ITPRID1: variants seen among roughly 807,000 people sequenced by gnomAD.
ITPRID1 encodes the protein protein ITPRID1.
ITPRID1 carries 96 observed loss-of-function variants against 95.4 expected under a neutral mutation model. The ratio of observed to expected loss-of-function variants is 1.01; its 90% CI spans 0.85 to 1.19. ITPRID1 has a LOEUF of 1.19. Among genes scored for constraint, ITPRID1 ranks in the 50% most tolerant of loss-of-function variants. The probability of loss-of-function intolerance (pLI) is 0.00; values close to 1 mark genes in which losing one functional copy is unlikely to be tolerated. For missense variants in ITPRID1, 1,339 were observed against 1,252.9 expected (o/e 1.07, Z -1.04); for synonymous variants, 510 against 453.6 (o/e 1.12, Z -1.58).
chr7:31,516,338 A>C (rs187219578), intron 1 of ITPRID1, among the ~76,000 whole-genome samples: 37 of 152,340 alleles, frequency 2.4e-4, no homozygotes, highest in Middle Eastern at 3.4e-3. Flanking sequence ...TTTCAGAGAA[A>C]AGAACTAATA....
At chr7:31,648,331 A>AAAG (rs199699207) in intron 12 of ITPRID1, among the ~76,000 whole-genome samples, 1 of 152,158 alleles carries the variant, frequency 6.6e-6, no homozygotes, top group East Asian at 1.9e-4. Context: ...ATTGTAAGAA[A>AAAG]AAGAAGAAGA....
chr7:31,601,764 GT>G (rs1786403086), intron 10 of ITPRID1, among the ~76,000 whole-genome samples: 2 of 152,120 alleles, frequency 1.3e-5, no homozygotes, highest in Non-Finnish European at 1.5e-5. Flanking sequence ...TTATTGTTTT[GT>G]TTTGGGTAGT....
rs1399756062 is a variant in ITPRID1, at chr7:31,553,200, C to T, written c.163+13C>T. 6.4e-7 allele frequency: 1 copy of T among 1,558,170 alleles called. No homozygotes were observed. The highest frequency in any genetic ancestry group is 1.2e-5 in the South Asian group (1 of 84,116). On this transcript the variant is annotated intron_variant, in intron 3 of 14. Transcript: ENST00000615280. ...ATCCCCATGCTGGGTGAGAAGGACTCTCAGGCCTATTTGAAAACATTCCTC... is the reference window on the plus strand; with the variant it reads ...ATCCCCATGCTGGGTGAGAAGGACTTTCAGGCCTATTTGAAAACATTCCTC...
chr7:31,638,192 C>G (rs529443628), intron 10 of ITPRID1, among the ~76,000 whole-genome samples: 1 of 152,054 alleles, frequency 6.6e-6, no homozygotes, highest in Non-Finnish European at 1.5e-5. Context: ...AGGAGGAAAA[C>G]GGGTGGTATT....
At chr7:31,576,174 A>G (rs1785176750) in intron 8 of ITPRID1, among the ~76,000 whole-genome samples, 2 of 152,234 alleles carry the variant, frequency 1.3e-5, no homozygotes, top group Non-Finnish European at 2.9e-5. Flanking sequence ...TCTAATTTCT[A>G]CAACATAACA....
intron 5 of ITPRID1, among the ~76,000 whole-genome samples, chr7:31,563,654 A>G (rs1177766886): frequency 6.6e-6 from 1 of 152,170 alleles, no homozygotes; most frequent in East Asian, 1.9e-4. Flanking sequence ...TGTAGTGAGA[A>G]GAGGAATGAC....
chr7:31,622,197 G>A (rs868277200), intron 10 of ITPRID1, among the ~76,000 whole-genome samples: 1,539 of 135,120 alleles, frequency 0.011, 12 homozygotes, highest in South Asian at 0.02. Flanking sequence ...ACAGATCAAC[G>A]AGAGAGAAAG....
At chr7:31,631,356 T>C (rs1379684531) in intron 10 of ITPRID1, among the ~76,000 whole-genome samples, 1 of 152,218 alleles carries the variant, frequency 6.6e-6, no homozygotes, top group Non-Finnish European at 1.5e-5. Context: ...AAAAACAAGA[T>C]ATAAAATGTG....
intron 9 of ITPRID1, 88 bp from the exon 10 acceptor site, chr7:31,583,046 C>G (rs915735825): frequency 2.3e-6 from 2 of 869,520 alleles, no homozygotes; most frequent in Non-Finnish European, 3.8e-6. Context: ...TCCCTCTTAT[C>G]AGTTGCCAGT....
rs1174235772 is a variant in ITPRID1 at position 31,578,373 on chromosome 7, A to G, written c.1109A>G (p.Asn370Ser). 1 of 1,613,552 alleles carries G rather than the reference A, an allele frequency of 6.2e-7. No homozygotes were observed. The highest frequency in any genetic ancestry group is 1.3e-5 in the African/African-American group (1 of 74,884). ...RTQKENLFQT[N>S]KLKSLSHLAG... ...CAGAAGGAGAACTTATTTCAGACTA[A>G]CAAGCTCAAGAGCTTGTCTCATCTT... The change falls in exon 9 of 15, where the codon AAC becomes AGC. Residue 370 changes from asparagine to serine, a missense_variant. Asn to Ser is a conservative substitution (Grantham distance 46). Transcript: ENST00000615280.
At chr7:31,658,613 A>C, downstream of ITPRID1, 3 of 277,310 alleles carry the variant, frequency 1.1e-5, no homozygotes, top group Non-Finnish European at 2.0e-5. Context: ...GGTTATTAAA[A>C]GCCTTGTTAA....
At chr7:31,549,277 A>G (rs1784204228) in intron 1 of ITPRID1, 149 bp from the exon 2 acceptor site, 2 of 477,736 alleles carry the variant, frequency 4.2e-6, no homozygotes, top group East Asian at 3.4e-5. Context: ...GAAATACTCT[A>G]TTCTCACTCT....
intron 10 of ITPRID1, among the ~76,000 whole-genome samples, chr7:31,629,138 G>A (rs1788763985): frequency 6.6e-6 from 1 of 152,046 alleles, no homozygotes; most frequent in African/African-American, 2.4e-5. Flanking sequence ...GTAAGCACTG[G>A]ATCTAAATTA....
chr7:31,542,458 CAATT>C (rs1393718885), intron 1 of ITPRID1, among the ~76,000 whole-genome samples: 1 of 152,088 alleles, frequency 6.6e-6, no homozygotes, highest in Non-Finnish European at 1.5e-5. Flanking sequence ...TTTAAACAAC[CAATT>C]AATTTACTTT....
chr7:31,635,226 A>G (rs558600532), intron 10 of ITPRID1, among the ~76,000 whole-genome samples: 14 of 152,314 alleles, frequency 9.2e-5, no homozygotes, highest in African/African-American at 3.1e-4. Context: ...AATATTTAGA[A>G]TTTGGAAATC....
At chr7:31,635,408 A>C (rs1001232936) in intron 10 of ITPRID1, among the ~76,000 whole-genome samples, 2 of 152,172 alleles carry the variant, frequency 1.3e-5, no homozygotes, top group East Asian at 1.9e-4. Context: ...ACACAAGATA[A>C]ATAAGCCTCT....
intron 5 of ITPRID1, among the ~76,000 whole-genome samples, chr7:31,565,008 T>A (rs1784748430): frequency 6.6e-6 from 1 of 152,008 alleles, no homozygotes; most frequent in African/African-American, 2.4e-5. Context: ...CATCCTCAGG[T>A]CCCGGGAAAT....
rs566543464 is a variant in ITPRID1 at position 31,566,255 on chromosome 7, A to G, written c.257-3503A>G. ...AAGGCTGAGCTAACTCTTCTCATCA[A>G]TATCTGAAAACGGATCATTTCCTCT... is the stretch of plus-strand genomic sequence containing the variant. On this transcript the variant is annotated intron_variant, in intron 5 of 14. Transcript: ENST00000615280. Among the ~76,000 whole-genome samples, 13 of 152,316 alleles carry G rather than the reference A, an allele frequency of 8.5e-5. No individual in the cohort carries two copies. The South Asian group carries it at 2.7e-3, about 32-fold the overall frequency.
At position 31,547,661 on chromosome 7, in the gene ITPRID1, C is replaced by T. The variant is rs183925225; in HGVS notation, c.-97-1765C>T. On this transcript the variant is annotated intron_variant, in intron 1 of 14. Coordinates refer to ENST00000615280, the MANE Select transcript of ITPRID1 (RefSeq NM_001257967.3). ...TAGCAGCTCCTTCTTTTTTTTAGTG[C>T]TTTAATGTGGGAATGAAAGGAATAG... is the stretch of plus-strand genomic sequence containing the variant. Among the ~76,000 whole-genome samples the T allele has an allele frequency of 2.3e-3, 352 of 152,030 alleles. 1 individual carries two copies. The highest frequency in any genetic ancestry group is 8.0e-3 in the African/African-American group (330 of 41,468).
Sources: gnomAD v4.1 joint callset for allele counts (sites outside exome capture counted in the v4.1 genomes callset) on GRCh38, gnomAD v4.1.1 for gene constraint, MANE v1.5 for transcripts, NCBI Gene and HGNC (gene_info 2026-07-23, HGNC 2026-07-21) for gene names.